The following ERMP1 variants were observed in gnomAD, a reference collection of about 807,000 sequenced individuals.
ERMP1 encodes the protein endoplasmic reticulum metallopeptidase 1.
Under a neutral mutation model 92.0 loss-of-function variants are expected in ERMP1, and 86 were observed. The observed-to-expected ratio is 0.93, with a 90% CI of 0.79 to 1.12. ERMP1 has a LOEUF of 1.12. Ranked by LOEUF, ERMP1 falls within the 50% of genes most tolerant of loss-of-function variation. The pLI, the probability that ERMP1 is intolerant of heterozygous loss-of-function variation, is 0.00. For missense variants in ERMP1, 1,342 were observed against 1,116.3 expected (o/e 1.20, Z -2.88); for synonymous variants, 530 against 412.8 (o/e 1.28, Z -3.44).
At chr9:5,796,927 C>T (rs1268575609) in intron 13 of ERMP1, among the ~76,000 whole-genome samples, 3 of 152,236 alleles carry the variant, frequency 2.0e-5, no homozygotes, top group African/African-American at 7.2e-5. Flanking sequence ...TCAGTTTTAA[C>T]AAATGCACCA....
intron 13 of ERMP1, among the ~76,000 whole-genome samples, chr9:5,790,605 A>T (rs891402189): frequency 2.6e-5 from 4 of 152,228 alleles, no homozygotes; most frequent in African/African-American, 9.6e-5. Flanking sequence ...AGGCAAGTGG[A>T]AATTGTTTAA....
intron 4 of ERMP1, among the ~76,000 whole-genome samples, chr9:5,813,685 A>C (rs745993068): frequency 5.3e-5 from 8 of 151,940 alleles, no homozygotes; most frequent in Non-Finnish European, 1.0e-4. Flanking sequence ...AATCTGTATT[A>C]TAATAATCAT....
At chr9:5,833,732 G>T (rs1586830864), upstream of ERMP1, among the ~76,000 whole-genome samples, 1 of 152,116 alleles carries the variant, frequency 6.6e-6, no homozygotes, top group South Asian at 2.1e-4. Context: ...CCTGAGAAAC[G>T]TAGAGATAAC....
chr9:5,832,893 G>A lies in ERMP1; in HGVS notation c.135C>T (p.Gly45=), dbSNP rs1028251093. The change falls in exon 1 of 15, where the codon GGC becomes GGT. Residue 45 remains glycine (G), a synonymous_variant. Coordinates refer to ENST00000339450, the MANE Select transcript of ERMP1 (RefSeq NM_024896.3). The part of the protein sequence containing the change: ...AQEPLVDGCS[G]GGRTRKRSPG... Reference sequence around the variant, plus strand: ...GGCTCCTCTTCCGCGTCCTCCCGCCGCCGCTGCACCCATCCACCAGAGGCT... The same window carrying A: ...GGCTCCTCTTCCGCGTCCTCCCGCCACCGCTGCACCCATCCACCAGAGGCT... 1 of 1,543,088 alleles carries A rather than the reference G, an allele frequency of 6.5e-7. No homozygotes were observed.
intron 4 of ERMP1, among the ~76,000 whole-genome samples, chr9:5,823,187 A>G (rs1372308789): frequency 3.3e-5 from 5 of 152,102 alleles, no homozygotes; most frequent in Admixed American, 6.5e-5. Context: ...CAGGAAACTG[A>G]GACAGGAGAA....
chr9:5,833,614 T>G (rs936915013), upstream of ERMP1, among the ~76,000 whole-genome samples: 1 of 152,256 alleles, frequency 6.6e-6, no homozygotes, highest in Admixed American at 6.5e-5. Flanking sequence ...TATTATTTAT[T>G]GAATACCTGC....
chr9:5,821,814 C>A (rs1375524162), intron 4 of ERMP1, among the ~76,000 whole-genome samples: 1 of 152,200 alleles, frequency 6.6e-6, no homozygotes, highest in African/African-American at 2.4e-5. Context: ...AATACACAGA[C>A]ACACTCCTGC....
chr9:5,851,345 G>C (rs1830305345), intron 6 of ERMP1, among the ~76,000 whole-genome samples: 1 of 152,112 alleles, frequency 6.6e-6, no homozygotes, highest in Non-Finnish European at 1.5e-5. Flanking sequence ...ACAGAGAAAT[G>C]TCCTTTTTTG....
At chr9:5,821,829 A>G (rs1829547929) in intron 4 of ERMP1, among the ~76,000 whole-genome samples, 1 of 152,242 alleles carries the variant, frequency 6.6e-6, no homozygotes, top group Admixed American at 6.5e-5. Context: ...TCCTGCTTAC[A>G]TGGAGCCCTG....
At chr9:5,857,881 T>C (rs1046130912) in intron 6 of ERMP1, among the ~76,000 whole-genome samples, 1 of 152,160 alleles carries the variant, frequency 6.6e-6, no homozygotes, top group Non-Finnish European at 1.5e-5. Context: ...TTAAAAATAT[T>C]AGAAGATGTC....
In ERMP1 at chr9:5,793,504, G is replaced by A. The variant is rs560833469; in HGVS notation, c.2386+4313C>T. 1.6e-4 allele frequency among the ~76,000 whole-genome samples: 25 copies of A among 152,150 alleles called. 1 individual carries two copies. In the South Asian group the frequency reaches 4.1e-3, roughly 25 times the overall value. Reference sequence around the variant, plus strand: ...AAACATACAAATTAAAAGACAGAGCGTCAGGGTGGATCAAAAAACAAGACC... The same window carrying A: ...AAACATACAAATTAAAAGACAGAGCATCAGGGTGGATCAAAAAACAAGACC... On this transcript the variant is annotated intron_variant, in intron 13 of 14. Transcript: ENST00000339450.
intron 13 of ERMP1, among the ~76,000 whole-genome samples, chr9:5,790,854 A>G (rs1446503185): frequency 2.0e-5 from 3 of 152,236 alleles, no homozygotes; most frequent in Non-Finnish European, 4.4e-5. Context: ...AGACACATCA[A>G]TTGAGCTTTG....
chr9:5,860,416 C>T (rs546921322), intron 5 of ERMP1, among the ~76,000 whole-genome samples: 1 of 152,122 alleles, frequency 6.6e-6, no homozygotes, highest in Non-Finnish European at 1.5e-5. Flanking sequence ...TTCCATTCAT[C>T]TTTATGTCTC....
upstream of ERMP1, among the ~76,000 whole-genome samples, chr9:5,837,717 A>G (rs1375499756): frequency 1.3e-5 from 2 of 152,346 alleles, no homozygotes; most frequent in African/African-American, 4.8e-5. Context: ...GGTAAGAAAA[A>G]TATCAACGCC....
chr9:5,850,531 T>C (rs1271628280), intron 6 of ERMP1, among the ~76,000 whole-genome samples: 1 of 151,646 alleles, frequency 6.6e-6, no homozygotes, highest in Non-Finnish European at 1.5e-5. Context: ...GTTTAACAAG[T>C]TCCTCCTGTG....
In ERMP1 at chr9:5,832,916, G is replaced by C. The variant is rs971219340; in HGVS notation, c.112C>G (p.Pro38Ala). 7.7e-6 allele frequency: 12 copies of C among 1,560,432 alleles called. No homozygotes were observed. Among genetic ancestry groups the C allele is most frequent in the Non-Finnish European group, 8.6e-6 (10 of 1,164,288 alleles). The part of the protein sequence containing the change: ...PPEREARAQE[P>A]LVDGCSGGGR... Reference sequence around the variant, plus strand: ...CCGCCGCTGCACCCATCCACCAGAGGCTCCTGCGCTCGGGCCTCCCTCTCC... The same window carrying C: ...CCGCCGCTGCACCCATCCACCAGAGCCTCCTGCGCTCGGGCCTCCCTCTCC... The change falls in exon 1 of 15, where the codon CCT becomes GCT. Residue 38 changes from proline to alanine, a missense_variant. Transcript: ENST00000339450.
rs773065056 is a variant in ERMP1, at chr9:5,812,919, G to A, written c.991C>T (p.Arg331Cys). The change falls in exon 5 of 15, where the codon CGT becomes TGT. Residue 331 changes from arginine to cysteine, a missense_variant. Coordinates refer to ENST00000339450, the MANE Select transcript of ERMP1 (RefSeq NM_024896.3). ...SGIIPSDTDFRIYRDFGNIPG... is the reference protein window; with the variant it reads ...SGIIPSDTDFCIYRDFGNIPG... ...ATGTTCCCAAAATCCCTGTAGATACGAAAGTCAGTATCTGAAGGAATGATT... is the reference window on the plus strand; with the variant it reads ...ATGTTCCCAAAATCCCTGTAGATACAAAAGTCAGTATCTGAAGGAATGATT... 38 of 1,613,736 alleles carry A rather than the reference G, an allele frequency of 2.4e-5. No individual in the cohort carries two copies. Among genetic ancestry groups the A allele is most frequent in the Non-Finnish European group, 3.1e-5 (37 of 1,179,824 alleles).
At chr9:5,797,693 G>T in intron 13 of ERMP1, 124 bp downstream of exon 13, 1 of 634,964 alleles carries the variant, frequency 1.6e-6, no homozygotes. Context: ...ATTGATTTTA[G>T]AAACATCACA....
Position 5,797,942 on chromosome 9 carries a change from AAGGAAG to A in ERMP1, c.2271-16_2271-11del, listed in dbSNP as rs1174160942. 6.4e-7 allele frequency: 1 copy of A among 1,561,204 alleles called. No homozygotes were observed. The highest frequency in any genetic ancestry group is 8.8e-7 in the Non-Finnish European group (1 of 1,132,676). ...AAGATACCAGTTTTTCCTATTTAGA[AAGGAAG>A]CTTCAGTTTTAGGGTGCTTTATTAT... On this transcript the variant is annotated splice_polypyrimidine_tract_variant and intron_variant, in intron 12 of 14. Coordinates refer to ENST00000339450, the MANE Select transcript of ERMP1 (RefSeq NM_024896.3).
Sources: allele counts gnomAD v4.1 joint callset (sites outside exome capture counted in the v4.1 genomes callset), GRCh38; gene constraint gnomAD v4.1.1; transcripts MANE v1.5; gene names NCBI Gene and HGNC (gene_info 2026-07-23, HGNC 2026-07-21).